EFCAB13: variants seen among roughly 807,000 people sequenced by gnomAD.
The protein encoded by EFCAB13 is EF-hand calcium binding domain 13, also known as EF-hand calcium-binding domain-containing protein 13.
EFCAB13 carries 91 observed loss-of-function variants against 110.2 expected under a neutral mutation model. The ratio of observed to expected loss-of-function variants is 0.83; its 90% CI spans 0.70 to 0.98. The LOEUF is 0.98. EFCAB13 is among the 50% of genes least tolerant of loss of function. The probability of loss-of-function intolerance (pLI) is 0.00; values close to 1 mark genes in which losing one functional copy is unlikely to be tolerated. For missense variants in EFCAB13, 968 were observed against 1,119.4 expected (o/e 0.86, Z 1.93); for synonymous variants, 323 against 369.9 (o/e 0.87, Z 1.45).
chr17:47,411,640 T>C (rs1253252875), intron 21 of EFCAB13, among the ~76,000 whole-genome samples: 1 of 152,142 alleles, frequency 6.6e-6, no homozygotes, highest in Non-Finnish European at 1.5e-5. Context: ...TAACTGTTAG[T>C]AGAATGAATG....
chr17:47,372,830 T>G (rs1379921642), intron 11 of EFCAB13, among the ~76,000 whole-genome samples: 2 of 152,168 alleles, frequency 1.3e-5, no homozygotes, highest in African/African-American at 4.8e-5. Flanking sequence ...TTATTTACTT[T>G]TGCTATTTTC....
Position 47,342,013 on chromosome 17 carries a change from A to G in EFCAB13, c.284A>G (p.Gln95Arg), listed in dbSNP as rs2065388205. The G allele has an allele frequency of 6.3e-7, 1 of 1,585,270 alleles. No homozygotes were observed. The highest frequency in any genetic ancestry group is 8.6e-7 in the Non-Finnish European group (1 of 1,166,634). ...KVGRKSLQVQQHSKRTEIIPP... is the reference protein window; with the variant it reads ...KVGRKSLQVQRHSKRTEIIPP... Reference sequence around the variant, plus strand: ...GGGAGAAAGAGTTTACAAGTACAACAGCACAGTAAAAGAACTGAGGTAAAT... The same window carrying G: ...GGGAGAAAGAGTTTACAAGTACAACGGCACAGTAAAAGAACTGAGGTAAAT... The change falls in exon 6 of 25, where the codon CAG becomes CGG. Residue 95 changes from glutamine to arginine, a missense_variant. Coordinates refer to ENST00000331493, the MANE Select transcript of EFCAB13 (RefSeq NM_152347.5).
chr17:47,398,116 G>A (rs2065755777), intron 17 of EFCAB13, among the ~76,000 whole-genome samples: 3 of 144,406 alleles, frequency 2.1e-5, no homozygotes, highest in African/African-American at 5.2e-5. Context: ...GGAGGTGGGG[G>A]GGTCAGCCCC....
Position 47,374,336 on chromosome 17 carries a change from A to AT in EFCAB13, c.878-129dup, listed in dbSNP as rs575889939. The stretch of plus-strand genomic sequence containing the variant: ...CAATCTTTTGACTGTCAGTTCTTTA[A>AT]TTTTTTTGGTTTGTTTTATATGTTT... On this transcript the variant is annotated intron_variant, in intron 11 of 24. Coordinates refer to ENST00000331493, the MANE Select transcript of EFCAB13 (RefSeq NM_152347.5). 3.0e-4 allele frequency: 205 copies of AT among 688,320 alleles called. 1 individual carries two copies. The South Asian group carries it at 7.0e-3, about 23-fold the overall frequency. The allele number at this position is 688,320 out of a possible 1,614,324, so 42.6% of individuals were successfully genotyped here.
At chr17:47,417,976 A>G (rs563329136) in intron 23 of EFCAB13, among the ~76,000 whole-genome samples, 14 of 152,298 alleles carry the variant, frequency 9.2e-5, no homozygotes, top group Middle Eastern at 3.4e-3. Context: ...GACCACTTCA[A>G]TGCCTTTGGT....
chr17:47,351,279 C>CTG (rs140772791), intron 9 of EFCAB13, among the ~76,000 whole-genome samples: 5,269 of 127,978 alleles, frequency 0.041, 139 homozygotes, highest in East Asian at 0.17. Flanking sequence ...TAGTATTCCA[C>CTG]TGTGTGTGTG....
chr17:47,341,725 A>G (rs1255677747), intron 5 of EFCAB13, among the ~76,000 whole-genome samples, 196 bp from the exon 6 acceptor site: 3 of 152,316 alleles, frequency 2.0e-5, no homozygotes, highest in African/African-American at 7.2e-5. Flanking sequence ...TGGAAATAAT[A>G]TACTGTGATT....
At chr17:47,417,865 A>G (rs1008567975) in intron 23 of EFCAB13, among the ~76,000 whole-genome samples, 2 of 152,128 alleles carry the variant, frequency 1.3e-5, no homozygotes, top group African/African-American at 4.8e-5. Flanking sequence ...TTTCTTCCAC[A>G]GTGTTGACAA....
intron 11 of EFCAB13, among the ~76,000 whole-genome samples, chr17:47,373,340 C>A (rs1008146685): frequency 1.2e-4 from 18 of 152,032 alleles, no homozygotes; most frequent in African/African-American, 4.3e-4. Flanking sequence ...CCTGATTTCA[C>A]TGAATTTTTT....
rs1372678837 is a variant in EFCAB13 at position 47,355,783 on chromosome 17, G to A, written c.662-5595G>A. On this transcript the variant is annotated intron_variant, in intron 9 of 24. Transcript: ENST00000331493. ...AGACGGGGTTTCACCAGGTTGGCCA[G>A]GATGGCCTCGATTGCTTGACCTCAT... Among the ~76,000 whole-genome samples, 4 of 152,012 alleles carry A rather than the reference G, an allele frequency of 2.6e-5. No homozygotes were observed. The East Asian group carries it at 7.7e-4, about 29-fold the overall frequency.
chr17:47,415,194 A>C (rs966866290), intron 23 of EFCAB13, among the ~76,000 whole-genome samples: 2 of 151,384 alleles, frequency 1.3e-5, no homozygotes, highest in Non-Finnish European at 2.9e-5. Context: ...CAATGAGAAC[A>C]CATGGACACA....
intron 23 of EFCAB13, among the ~76,000 whole-genome samples, chr17:47,426,826 G>A (rs955428272): frequency 6.6e-6 from 1 of 152,144 alleles, no homozygotes; most frequent in Admixed American, 6.5e-5. Context: ...TTTTAGATTC[G>A]TTTTCCACAT....
In EFCAB13 at chr17:47,335,301, A is replaced by G; in HGVS notation, c.136A>G (p.Ile46Val). 6.2e-7 allele frequency: 1 copy of G among 1,608,584 alleles called. No individual in the cohort carries two copies. The highest frequency in any genetic ancestry group is 8.5e-7 in the Non-Finnish European group (1 of 1,178,506). ...GAAATACATCAAGTTTTCTAAAACA[A>G]TAGAGAAGGAAATTTCACCGGAAAT... ...HKKYIKFSKTIEKEISPEIRS... is the reference protein window; with the variant it reads ...HKKYIKFSKTVEKEISPEIRS... Residue 46 changes from isoleucine (I) to valine (V), a missense_variant, in exon 5 of 25, where the codon ATA (isoleucine) becomes GTA (valine). Coordinates refer to ENST00000331493, the MANE Select transcript of EFCAB13 (RefSeq NM_152347.5).
intron 14 of EFCAB13, among the ~76,000 whole-genome samples, chr17:47,383,755 G>T (rs976321885): frequency 4.6e-5 from 7 of 152,114 alleles, no homozygotes; most frequent in Non-Finnish European, 1.0e-4. Flanking sequence ...ATATTCTGTT[G>T]ATTGGGGGTG....
At chr17:47,338,681 A>G (rs181075951) in intron 5 of EFCAB13, among the ~76,000 whole-genome samples, 26 of 152,130 alleles carry the variant, frequency 1.7e-4, no homozygotes, top group Non-Finnish European at 3.2e-4. Flanking sequence ...TTGTACCTCA[A>G]TAGAAAATTT....
chr17:47,397,312 T>G (rs1261924708), intron 17 of EFCAB13, among the ~76,000 whole-genome samples: 1 of 152,174 alleles, frequency 6.6e-6, no homozygotes, highest in African/African-American at 2.4e-5. Flanking sequence ...GTTCACTCAG[T>G]GCTCAATGGT....
Position 47,353,385 on chromosome 17 carries a change from C to T in EFCAB13, c.661+5434C>T, listed in dbSNP as rs541158835. Among the ~76,000 whole-genome samples, 20 of 152,068 alleles carry T rather than the reference C, an allele frequency of 1.3e-4. No homozygotes were observed. In the South Asian group the frequency reaches 2.9e-3, roughly 22 times the overall value. On this transcript the variant is annotated intron_variant, in intron 9 of 24. Transcript: ENST00000331493. Reference sequence around the variant, plus strand: ...TCTTGGCTCACTGCAACCTCTGCCTCCCGGGTTCAAGGGATTCTCCTGCCT... The same window carrying T: ...TCTTGGCTCACTGCAACCTCTGCCTTCCGGGTTCAAGGGATTCTCCTGCCT...
chr17:47,441,217 T>A lies in EFCAB13; in HGVS notation c.*503T>A, dbSNP rs62076510. 6.6e-6 allele frequency: 1 copy of A among 152,164 alleles called. No individual in the cohort carries two copies. The highest frequency in any genetic ancestry group is 1.5e-5 in the Non-Finnish European group (1 of 68,054). 9.4% of individuals were successfully genotyped at this position (152,164 alleles called of 1,614,324 possible). A position where few individuals can be genotyped will look rare whatever the true frequency, so the allele number is the denominator to read the frequency against. ...GAATTTACTTTGTTTATACTCTCAT[T>A]TATACTACCAACCCTCCCTAGAAAA... On this transcript the variant is annotated 3_prime_UTR_variant, in exon 25 of 25. Transcript: ENST00000331493.
chr17:47,373,914 TA>T (rs1251556292), intron 11 of EFCAB13, among the ~76,000 whole-genome samples: 2 of 152,150 alleles, frequency 1.3e-5, no homozygotes, highest in Admixed American at 1.3e-4. Flanking sequence ...AATGTGTTAT[TA>T]AAATGTAAGA....
Sources: gnomAD v4.1 joint callset for allele counts (sites outside exome capture counted in the v4.1 genomes callset) on GRCh38, gnomAD v4.1.1 for gene constraint, MANE v1.5 for transcripts, NCBI Gene and HGNC (gene_info 2026-07-23, HGNC 2026-07-21) for gene names.